Variants in ARHGEF28 observed in about 807,000 individuals in gnomAD.
ARHGEF28 encodes Rho guanine nucleotide exchange factor 28.
Under a neutral mutation model 206.6 loss-of-function variants are expected in ARHGEF28, and 152 were observed. The ratio of observed to expected loss-of-function variants is 0.74; its 90% confidence interval spans 0.64 to 0.84. The LOEUF is 0.84. ARHGEF28 is among the 40% of genes least tolerant of loss of function. ARHGEF28 has a pLI of 0.00. For synonymous variants in ARHGEF28, 763 were observed against 776.4 expected (o/e 0.98, Z 0.29); for missense variants, 2,028 against 2,073.2 (o/e 0.98, Z 0.42).
rs1161013204 is a variant in ARHGEF28, at chr5:73,870,324, C to A, written c.2566+115C>A. 3.3e-5 allele frequency: 42 copies of A among 1,258,130 alleles called. No homozygotes were observed. In the South Asian group the frequency reaches 5.5e-4, roughly 17 times the overall value. The allele number at this position is 1,258,130 out of a possible 1,614,324, so 77.9% of individuals were successfully genotyped here. Reference sequence around the variant, plus strand: ...TCCCAGTTCTATCATTTTCTATTTACCTGATCGCAGACAAATTATTTAGAT... The same window carrying A: ...TCCCAGTTCTATCATTTTCTATTTAACTGATCGCAGACAAATTATTTAGAT... On this transcript the variant is annotated intron_variant, in intron 21 of 35. Transcript: ENST00000513042.
intron 1 of ARHGEF28, among the ~76,000 whole-genome samples, chr5:73,671,725 T>TATATATAC (rs1217298025): frequency 1.2e-4 from 1 of 8,154 alleles, no homozygotes; most frequent in Non-Finnish European, 2.0e-4. Context: ...TATATATATA[T>TATATATAC]ATATATATAT....
At chr5:73,784,212 C>T (rs1464218656) in intron 7 of ARHGEF28, among the ~76,000 whole-genome samples, 1 of 151,856 alleles carries the variant, frequency 6.6e-6, no homozygotes, top group Non-Finnish European at 1.5e-5. Context: ...TTTTCTGTCC[C>T]CTCTGGGACA....
At chr5:73,845,986 CAAAAAAAAAAAAA>C (rs57600570) in intron 11 of ARHGEF28, among the ~76,000 whole-genome samples, 1 of 63,736 alleles carries the variant, frequency 1.6e-5, no homozygotes. Flanking sequence ...AAAACTGTCT[CAAAAAAAAAAAAA>C]AAAAAAAAAA....
At chr5:73,835,570 A>G (rs80086779) in intron 10 of ARHGEF28, among the ~76,000 whole-genome samples, 5,216 of 151,732 alleles carry the variant, frequency 0.034, 305 homozygotes, top group African/African-American at 0.12. Context: ...GGGTGTGGAA[A>G]CTCTGTGCCC....
chr5:73,774,257 G>A (rs999970280), intron 5 of ARHGEF28, among the ~76,000 whole-genome samples: 6 of 152,144 alleles, frequency 3.9e-5, no homozygotes, highest in African/African-American at 1.2e-4. Flanking sequence ...GGCTCTGAAA[G>A]GAGTGATAAT....
rs145202502 is a variant in ARHGEF28, at chr5:73,922,070, G to C, written c.4948+10495G>C. Among the ~76,000 whole-genome samples, 16 of 152,306 alleles carry C rather than the reference G, an allele frequency of 1.1e-4. No individual in the cohort carries two copies. The East Asian group carries it at 3.1e-3, about 29-fold the overall frequency. On this transcript the variant is annotated intron_variant, in intron 35 of 35. Coordinates refer to ENST00000513042, the MANE Select transcript of ARHGEF28 (RefSeq NM_001177693.2). ...AGATGAAAAGGTGATTTTATGTTCT[G>C]TTTTCTAAAGTGTCCTCAGAAGCCT...
At chr5:73,683,542 C>T (rs1348170452) in intron 1 of ARHGEF28, among the ~76,000 whole-genome samples, 1 of 151,986 alleles carries the variant, frequency 6.6e-6, no homozygotes, top group African/African-American at 2.4e-5. Flanking sequence ...GAATTGTATT[C>T]CTTTTTAAGG....
chr5:73,643,479 T>A (rs2112145485), intron 1 of ARHGEF28, among the ~76,000 whole-genome samples: 1 of 152,280 alleles, frequency 6.6e-6, no homozygotes, highest in Non-Finnish European at 1.5e-5. Context: ...ATTTGCTTTA[T>A]TTTTTTATTG....
intron 2 of ARHGEF28, among the ~76,000 whole-genome samples, chr5:73,740,526 G>A (rs1222574758): frequency 6.6e-6 from 1 of 152,120 alleles, no homozygotes; most frequent in African/African-American, 2.4e-5. Context: ...GTCCTTCCCT[G>A]TATTGTTTTG....
At chr5:73,765,290 A>G (rs1487719442) in intron 4 of ARHGEF28, among the ~76,000 whole-genome samples, 1 of 152,208 alleles carries the variant, frequency 6.6e-6, no homozygotes, top group Non-Finnish European at 1.5e-5. Flanking sequence ...GTGAAATGTG[A>G]TGGTGTGAAA....
intron 22 of ARHGEF28, among the ~76,000 whole-genome samples, chr5:73,877,450 T>C (rs1286240964): frequency 6.9e-6 from 1 of 145,626 alleles, no homozygotes. Flanking sequence ...TAGTTATTTC[T>C]TGCCTTCTGC....
At chr5:73,635,897 G>A (rs996488072) in intron 1 of ARHGEF28, among the ~76,000 whole-genome samples, 35 of 152,130 alleles carry the variant, frequency 2.3e-4, no homozygotes, top group African/African-American at 8.5e-4. Flanking sequence ...TTTAACTGAC[G>A]GATTTTTAAG....
intron 1 of ARHGEF28, among the ~76,000 whole-genome samples, chr5:73,654,186 A>G (rs930574841): frequency 6.6e-6 from 1 of 152,194 alleles, no homozygotes; most frequent in African/African-American, 2.4e-5. Context: ...CTGTAAGGAC[A>G]ATGGGATCCT....
At chr5:73,757,311 T>C (rs1752368781) in intron 4 of ARHGEF28, among the ~76,000 whole-genome samples, 1 of 152,232 alleles carries the variant, frequency 6.6e-6, no homozygotes, top group African/African-American at 2.4e-5. Context: ...CTTCCAGTAC[T>C]TGTCCAAAAA....
chr5:73,827,619 A>C (rs1247999245), intron 9 of ARHGEF28, among the ~76,000 whole-genome samples: 3 of 152,214 alleles, frequency 2.0e-5, no homozygotes, highest in Non-Finnish European at 2.9e-5. Context: ...ACTTGAACCC[A>C]GGCAGTTCAG....
chr5:73,684,386 T>G (rs1747310131), intron 1 of ARHGEF28, among the ~76,000 whole-genome samples: 1 of 152,234 alleles, frequency 6.6e-6, no homozygotes, highest in Non-Finnish European at 1.5e-5. Flanking sequence ...CTCATTCGTG[T>G]TATAACATGT....
At chr5:73,665,168 T>C (rs1057176975) in intron 1 of ARHGEF28, among the ~76,000 whole-genome samples, 1 of 152,202 alleles carries the variant, frequency 6.6e-6, no homozygotes, top group African/African-American at 2.4e-5. Flanking sequence ...TCCTTCACCT[T>C]CTGCCAGAAG....
At chr5:73,932,927 GC>G (rs751688420) in intron 35 of ARHGEF28, among the ~76,000 whole-genome samples, 62 of 144,010 alleles carry the variant, frequency 4.3e-4, no homozygotes, top group Non-Finnish European at 6.1e-4. Context: ...TCCTGCCTCA[GC>G]CTCCCGTGTA....
chr5:73,860,185 C>T (rs72772537), intron 16 of ARHGEF28, among the ~76,000 whole-genome samples: 18,045 of 152,126 alleles, frequency 0.12, 1,153 homozygotes, highest in African/African-American at 0.15. Flanking sequence ...GTTCATTTTT[C>T]CTTGATTGTT....
Sources: gnomAD v4.1 joint callset for allele counts (sites outside exome capture counted in the v4.1 genomes callset) on GRCh38, gnomAD v4.1.1 for gene constraint, MANE v1.5 for transcripts, NCBI Gene and HGNC (gene_info 2026-07-23, HGNC 2026-07-21) for gene names.